Variants in STON1 observed in about 807,000 individuals in gnomAD.
STON1 encodes stonin-1.
Under a neutral mutation model 60.9 loss-of-function variants are expected in STON1, and 79 were observed. The ratio of observed to expected loss-of-function variants is 1.30; its 90% confidence interval spans 1.08 to 1.56. STON1 has a LOEUF of 1.56. Ranked by LOEUF, STON1 falls within the 40% of genes most tolerant of loss-of-function variation. STON1 has a pLI of 0.00. For missense variants in STON1, 1,166 were observed against 858.9 expected (o/e 1.36, Z -4.47); for synonymous variants, 363 against 306.9 (o/e 1.18, Z -1.91).
In STON1 at chr2:48,558,188, A is replaced by C. The variant is rs544722493; in HGVS notation, c.-47-22399A>C. On this transcript the variant is annotated intron_variant, in intron 1 of 3. Transcript: ENST00000404752. ...CAGTGAGCCAAGATCGCACCATTGC[A>C]CTTCTAGCCTGGGCGAAGAGCGAAA... is the stretch of plus-strand genomic sequence containing the variant. 7.2e-5 allele frequency among the ~76,000 whole-genome samples: 11 copies of C among 152,354 alleles called. No individual in the cohort carries two copies. The East Asian group carries it at 2.1e-3, about 29-fold the overall frequency.
intron 1 of STON1, among the ~76,000 whole-genome samples, chr2:48,564,471 TTCTTCTTCTTTCTTCTTC>T (rs1672776599): frequency 7.8e-5 from 4 of 51,162 alleles, no homozygotes; most frequent in African/African-American, 2.4e-4. Context: ...CTTCTTCTTC[TTCTTCTTCTTTCTTCTTC>T]TTCTTCTTCT....
intron 1 of STON1, among the ~76,000 whole-genome samples, chr2:48,543,829 A>G (rs1671754967): frequency 6.6e-6 from 1 of 152,006 alleles, no homozygotes; most frequent in Non-Finnish European, 1.5e-5. Context: ...ACCACTCCCG[A>G]CAACGATAAC....
At chr2:48,583,670 A>C (rs1252059644) in intron 2 of STON1, among the ~76,000 whole-genome samples, 1 of 151,336 alleles carries the variant, frequency 6.6e-6, no homozygotes, top group Non-Finnish European at 1.5e-5. Flanking sequence ...TCTGGAGTTA[A>C]ATTGGAGGTG....
At chr2:48,583,421 C>A (rs114481899) in intron 2 of STON1, among the ~76,000 whole-genome samples, 2 of 151,982 alleles carry the variant, frequency 1.3e-5, no homozygotes, top group Admixed American at 6.6e-5. Context: ...GGTGGACACA[C>A]GTGAGTGTTA....
In STON1 at chr2:48,596,470, A is replaced by T. The variant is rs532661495; in HGVS notation, c.*1168A>T. 2.1e-4 allele frequency: 32 copies of T among 152,334 alleles called. No individual in the cohort carries two copies. Among genetic ancestry groups the T allele is most frequent in the African/African-American group, 7.7e-4 (32 of 41,594 alleles). The allele number at this position is 152,334 out of a possible 1,614,324, so 9.4% of individuals were successfully genotyped here. The stretch of plus-strand genomic sequence containing the variant: ...GTGAAAAGTGAGAATTTTAAAATTT[A>T]TGAAATCTATATTCCAGGTATTGTT... On this transcript the variant is annotated 3_prime_UTR_variant, in exon 4 of 4. Transcript: ENST00000404752.
At chr2:48,540,532 C>CA (rs1558570171) in intron 1 of STON1, among the ~76,000 whole-genome samples, 1 of 152,146 alleles carries the variant, frequency 6.6e-6, no homozygotes, top group Non-Finnish European at 1.5e-5. Flanking sequence ...ATGGTGCACC[C>CA]AGGCAGAGCA....
intron 2 of STON1, among the ~76,000 whole-genome samples, chr2:48,583,324 A>G (rs558428766): frequency 4.6e-5 from 7 of 152,290 alleles, no homozygotes; most frequent in African/African-American, 1.7e-4. Flanking sequence ...CCTGGGCTCA[A>G]GGGATCCTCC....
At chr2:48,566,366 G>T (rs965195548) in intron 1 of STON1, among the ~76,000 whole-genome samples, 1 of 152,006 alleles carries the variant, frequency 6.6e-6, no homozygotes, top group Non-Finnish European at 1.5e-5. Context: ...AGTAGAGACG[G>T]GGTTTCACCA....
intron 2 of STON1, among the ~76,000 whole-genome samples, chr2:48,583,234 G>A (rs1340979826): frequency 1.3e-5 from 2 of 152,134 alleles, no homozygotes; most frequent in Non-Finnish European, 2.9e-5. Context: ...GATTACAGAT[G>A]CATACCATCG....
chr2:48,560,841 G>A (rs1031963008), intron 1 of STON1, among the ~76,000 whole-genome samples: 3 of 152,130 alleles, frequency 2.0e-5, no homozygotes, highest in African/African-American at 7.2e-5. Context: ...TTCCAGACTG[G>A]CAGCCTAGCC....
intron 1 of STON1, among the ~76,000 whole-genome samples, chr2:48,547,250 G>C (rs750883305): frequency 3.3e-5 from 5 of 152,176 alleles, no homozygotes; most frequent in African/African-American, 4.8e-5. Context: ...CCATTGAACA[G>C]TCTAACTTCA....
At chr2:48,559,262 A>G (rs1672511281) in intron 1 of STON1, among the ~76,000 whole-genome samples, 1 of 152,192 alleles carries the variant, frequency 6.6e-6, no homozygotes, top group Admixed American at 6.5e-5. Context: ...TGCTATAACA[A>G]AAAATAGCTT....
In STON1 at chr2:48,581,869, G is replaced by A. The variant is rs1486762637; in HGVS notation, c.1236G>A (p.Glu412=). ...CAAAACCAAAAAAGAACTACGAGGAGCAAGAAATTTCCTTGGAAATTGTGG... is the reference window on the plus strand; with the variant it reads ...CAAAACCAAAAAAGAACTACGAGGAACAAGAAATTTCCTTGGAAATTGTGG... ...AVSKPKKNYE[E]QEISLEIVDN... is the part of the protein sequence containing the mutation. Residue 412 remains glutamate (E), a synonymous_variant, in exon 2 of 4, where the codon GAG becomes GAA. Transcript: ENST00000404752. The A allele has an allele frequency of 2.3e-5, 37 of 1,614,034 alleles. No individual in the cohort carries two copies. The highest frequency in any genetic ancestry group is 3.1e-5 in the Non-Finnish European group (36 of 1,180,040).
At chr2:48,533,056 C>T (rs1028793217) in intron 1 of STON1, among the ~76,000 whole-genome samples, 2 of 151,964 alleles carry the variant, frequency 1.3e-5, no homozygotes, top group Non-Finnish European at 2.9e-5. Flanking sequence ...GAGTTAAGAC[C>T]AGACTGGGCA....
In STON1 at chr2:48,582,070, G is replaced by A; in HGVS notation, c.1437G>A (p.Gly479=). The change falls in exon 2 of 4, where the codon GGG becomes GGA. Residue 479 remains glycine, a synonymous_variant. Coordinates refer to ENST00000404752, the MANE Select transcript of STON1 (RefSeq NM_006873.4). ...SYYEKDSEKK[G]IDILDYHFHK... ...ATGAGAAGGACTCAGAAAAAAAGGG[G>A]ATTGATATTCTTGACTACCATTTTC... is the stretch of plus-strand genomic sequence containing the variant. The A allele has an allele frequency of 6.2e-7, 1 of 1,614,146 alleles. No individual in the cohort carries two copies. The highest frequency in any genetic ancestry group is 1.7e-5 in the Admixed American group (1 of 60,010).
At chr2:48,534,932 C>A (rs1671362264) in intron 1 of STON1, among the ~76,000 whole-genome samples, 1 of 152,278 alleles carries the variant, frequency 6.6e-6, no homozygotes, top group African/African-American at 2.4e-5. Context: ...TCACCCCTTC[C>A]TTGCAAACCA....
chr2:48,555,544 T>G (rs1267005909), intron 1 of STON1, among the ~76,000 whole-genome samples: 48 of 34,148 alleles, frequency 1.4e-3, no homozygotes, highest in Admixed American at 1.7e-3. Flanking sequence ...TGGCCGGGCG[T>G]GGGGCTGACA....
intron 1 of STON1, among the ~76,000 whole-genome samples, chr2:48,564,790 T>C (rs1672862768): frequency 6.9e-6 from 1 of 144,960 alleles, no homozygotes; most frequent in Non-Finnish European, 1.5e-5. Context: ...TGGAGTGCAG[T>C]GGCACGATCT....
Position 48,581,251 on chromosome 2 carries a change from G to T in STON1, c.618G>T (p.Met206Ile). The T allele has an allele frequency of 6.6e-7, 1 of 1,517,618 alleles. No homozygotes were observed. 94.0% of individuals were successfully genotyped at this position (1,517,618 alleles called of 1,614,324 possible). A position where few individuals can be genotyped will look rare whatever the true frequency, so the allele number is the denominator to read the frequency against. ...FTLDPPGSKK[M>I]FSSRNKEMPI... ...TTGACCCACCAGGAAGCAAAAAGAT[G>T]TTCTCATCAAGAAACAAGGAGATGC... Residue 206 changes from methionine to isoleucine, a missense_variant, in exon 2 of 4, where the codon ATG (methionine) becomes ATT (isoleucine). Physicochemically the swap from Met to Ile is conservative, Grantham distance 10. Coordinates refer to ENST00000404752, the MANE Select transcript of STON1 (RefSeq NM_006873.4).
Sources: allele counts gnomAD v4.1 joint callset (sites outside exome capture counted in the v4.1 genomes callset), GRCh38; gene constraint gnomAD v4.1.1; transcripts MANE v1.5; gene names NCBI Gene and HGNC (gene_info 2026-07-23, HGNC 2026-07-21).